BBS9: variants seen among roughly 807,000 people sequenced by gnomAD.
BBS9 encodes Bardet-Biedl syndrome 9, also known as protein PTHB1.
A neutral mutation model predicts 117.7 loss-of-function variants in BBS9; 89 were observed. The ratio of observed to expected loss-of-function variants is 0.76; its 90% confidence interval spans 0.64 to 0.90. The LOEUF is 0.90. Among genes scored for constraint, BBS9 ranks in the 40% least tolerant of loss-of-function variants. The pLI, the probability that BBS9 is intolerant of heterozygous loss-of-function variation, is 0.00. For missense variants in BBS9, 982 were observed against 1,042.2 expected (o/e 0.94, Z 0.80); for synonymous variants, 379 against 370.9 (o/e 1.02, Z -0.25).
intron 5 of BBS9, among the ~76,000 whole-genome samples, chr7:33,247,850 A>G (rs1795600390): frequency 1.3e-5 from 2 of 152,220 alleles, no homozygotes; most frequent in Non-Finnish European, 2.9e-5. Flanking sequence ...CAATAATATA[A>G]TGTTTAGGGC....
At chr7:33,530,965 C>T (rs1360011412) in intron 20 of BBS9, among the ~76,000 whole-genome samples, 1 of 152,102 alleles carries the variant, frequency 6.6e-6, no homozygotes. Flanking sequence ...AACTGCAGGG[C>T]CAGACATGGT....
intron 21 of BBS9, among the ~76,000 whole-genome samples, chr7:33,621,941 G>A (rs1399426976): frequency 6.6e-6 from 1 of 152,194 alleles, no homozygotes; most frequent in Non-Finnish European, 1.5e-5. Flanking sequence ...TGGGCGCAGT[G>A]GTTCATGCCT....
At chr7:33,441,890 CTT>C (rs755891061) in intron 19 of BBS9, among the ~76,000 whole-genome samples, 1 of 141,954 alleles carries the variant, frequency 7.0e-6, no homozygotes, top group Non-Finnish European at 1.5e-5. Context: ...CTGGCATATA[CTT>C]TTTTTTTTTT....
intron 21 of BBS9, 114 bp downstream of exon 21, chr7:33,534,290 A>C (rs1851035876): frequency 1.7e-6 from 2 of 1,149,688 alleles, no homozygotes; most frequent in African/African-American, 1.5e-5. Context: ...GATAGCCAAG[A>C]AAATTGATTT....
At chr7:33,363,953 A>ATT (rs1394489782) in intron 16 of BBS9, among the ~76,000 whole-genome samples, 6 of 30,140 alleles carry the variant, frequency 2.0e-4, no homozygotes, top group Non-Finnish European at 3.4e-4. Flanking sequence ...TTTATTTTTT[A>ATT]TTTTTTTTTT....
At chr7:33,362,629 C>G (rs1820833332) in intron 16 of BBS9, among the ~76,000 whole-genome samples, 1 of 152,060 alleles carries the variant, frequency 6.6e-6, no homozygotes, top group Admixed American at 6.5e-5. Context: ...TTGTCTATTG[C>G]TATATACCAA....
chr7:33,225,669 G>C (rs1437239705), intron 5 of BBS9, among the ~76,000 whole-genome samples: 2 of 148,510 alleles, frequency 1.3e-5, no homozygotes, highest in Non-Finnish European at 3.0e-5. Flanking sequence ...CCCAGAACTG[G>C]AATCAGCCAC....
intron 19 of BBS9, among the ~76,000 whole-genome samples, chr7:33,469,973 A>T (rs187792417): frequency 2.0e-4 from 31 of 152,240 alleles, no homozygotes; most frequent in African/African-American, 7.5e-4. Flanking sequence ...CTTTATTTTA[A>T]TTACTATAAC....
At chr7:33,322,635 T>C (rs1019659647) in intron 9 of BBS9, among the ~76,000 whole-genome samples, 11 of 152,048 alleles carry the variant, frequency 7.2e-5, no homozygotes, top group Admixed American at 5.9e-4. Context: ...TGTCTTTTTT[T>C]CTTAGTCTGG....
At position 33,450,533 on chromosome 7, in the gene BBS9, C is replaced by G. The variant is rs1014607647; in HGVS notation, c.2116-54930C>G. On this transcript the variant is annotated intron_variant, in intron 19 of 22. Coordinates refer to ENST00000242067, the MANE Select transcript of BBS9 (RefSeq NM_198428.3). The stretch of plus-strand genomic sequence containing the variant: ...CAGTTTCTCCACATCTTCACTAACA[C>G]TGATGTGTGTGTGTGTTTAATAGTG... Among the ~76,000 whole-genome samples, 8 of 152,176 alleles carry G rather than the reference C, an allele frequency of 5.3e-5. No homozygotes were observed. In the East Asian group the frequency reaches 1.5e-3, roughly 29 times the overall value.
intron 11 of BBS9, among the ~76,000 whole-genome samples, chr7:33,344,321 G>A (rs1011139934): frequency 4.0e-5 from 6 of 151,336 alleles, no homozygotes; most frequent in Admixed American, 1.3e-4. Context: ...CACCCACCTC[G>A]GCCTCCCAAA....
intron 9 of BBS9, among the ~76,000 whole-genome samples, chr7:33,329,707 A>T (rs559938948): frequency 4.1e-4 from 63 of 152,300 alleles, no homozygotes; most frequent in African/African-American, 1.3e-3. Flanking sequence ...CTCTAAAAGG[A>T]TTATAACAAA....
At chr7:33,370,669 A>T (rs993359410) in intron 17 of BBS9, among the ~76,000 whole-genome samples, 9 of 152,322 alleles carry the variant, frequency 5.9e-5, no homozygotes, top group Middle Eastern at 3.4e-3. Context: ...TCAGAAAAAT[A>T]TGCTATTATG....
chr7:33,287,217 C>T (rs1043782236), intron 9 of BBS9, among the ~76,000 whole-genome samples: 12 of 152,282 alleles, frequency 7.9e-5, no homozygotes, highest in African/African-American at 2.6e-4. Context: ...TTATTGCTTG[C>T]TATGCACTAG....
At chr7:33,581,321 A>G (rs1467501467) in intron 21 of BBS9, among the ~76,000 whole-genome samples, 2 of 152,136 alleles carry the variant, frequency 1.3e-5, no homozygotes, top group Admixed American at 6.6e-5. Context: ...GTATGTCCAG[A>G]GACTTTATTT....
chr7:33,497,821 G>A (rs892064396), intron 19 of BBS9, among the ~76,000 whole-genome samples: 1 of 152,268 alleles, frequency 6.6e-6, no homozygotes, highest in Middle Eastern at 3.4e-3. Context: ...GTCAGGGTAC[G>A]GTGCAGGGTG....
At chr7:33,576,543 T>C (rs1270782906) in intron 21 of BBS9, among the ~76,000 whole-genome samples, 1 of 152,088 alleles carries the variant, frequency 6.6e-6, no homozygotes, top group Non-Finnish European at 1.5e-5. Flanking sequence ...CTTCACAGAA[T>C]TGGAAAAAAA....
rs1305669964 is a variant in BBS9, at chr7:33,619,492, C to T, written c.2522-15685C>T. ...AGAAAAACAGCTGACCTGAACAAAA[C>T]TAGTGACCAAGTAGACCTAACAGAC... On this transcript the variant is annotated intron_variant, in intron 21 of 21. Transcript: ENST00000671952. Among the ~76,000 whole-genome samples, 3 of 152,230 alleles carry T rather than the reference C, an allele frequency of 2.0e-5. No individual in the cohort carries two copies. In the East Asian group the frequency reaches 5.8e-4, roughly 29 times the overall value.
intron 5 of BBS9, among the ~76,000 whole-genome samples, chr7:33,188,103 T>G: frequency 1.6e-5 from 1 of 62,522 alleles, no homozygotes. Flanking sequence ...TGTGTGTGTG[T>G]GTGTGTGTGG....
Sources: gnomAD v4.1 joint callset for allele counts (sites outside exome capture counted in the v4.1 genomes callset) on GRCh38, gnomAD v4.1.1 for gene constraint, MANE v1.5 for transcripts, NCBI Gene and HGNC (gene_info 2026-07-23, HGNC 2026-07-21) for gene names.